Variants in EML6 observed in about 807,000 individuals in gnomAD.
The protein encoded by EML6 is echinoderm microtubule-associated protein-like 6.
A neutral mutation model predicts 240.1 loss-of-function variants in EML6; 154 were observed. The ratio of observed to expected loss-of-function variants is 0.64; its 90% confidence interval spans 0.56 to 0.73. EML6 has a LOEUF of 0.73. Ranked by LOEUF, EML6 falls within the 30% of genes least tolerant of loss-of-function variation. The pLI is 0.00. For missense variants in EML6, 2,964 were observed against 2,474.6 expected, an observed-to-expected ratio of 1.20 and a Z score of -4.20; for synonymous variants, 1,148 against 899.0, an observed-to-expected ratio of 1.28 and a Z score of -4.95.
At chr2:54,749,458 A>G (rs1324577806) in intron 2 of EML6, among the ~76,000 whole-genome samples, 2 of 152,138 alleles carry the variant, frequency 1.3e-5, no homozygotes, top group African/African-American at 2.4e-5. Flanking sequence ...TGTCTTTTCT[A>G]TAGAGTTGTC....
chr2:54,802,170 T>C (rs1157410387), intron 2 of EML6, among the ~76,000 whole-genome samples: 1 of 152,198 alleles, frequency 6.6e-6, no homozygotes, highest in African/African-American at 2.4e-5. Context: ...TAACATTCTT[T>C]TAAAATACTG....
intron 35 of EML6, 24 bp from the exon 36 acceptor site, chr2:54,962,499 C>CTAA: frequency 6.6e-7 from 1 of 1,514,174 alleles, no homozygotes; most frequent in Non-Finnish European, 8.9e-7. Flanking sequence ...TGTCCTTTTT[C>CTAA]TAATAGTGTT....
At chr2:54,735,714 T>C (rs1308441458) in intron 2 of EML6, among the ~76,000 whole-genome samples, 1 of 152,268 alleles carries the variant, frequency 6.6e-6, no homozygotes, top group African/African-American at 2.4e-5. Flanking sequence ...GACTGTATTA[T>C]AAGAAAAATC....
At chr2:54,858,646 G>C (rs1156493703) in intron 11 of EML6, among the ~76,000 whole-genome samples, 3 of 152,126 alleles carry the variant, frequency 2.0e-5, no homozygotes, top group Non-Finnish European at 4.4e-5. Context: ...TTTTCTCAGA[G>C]CCCCTGATAT....
intron 8 of EML6, among the ~76,000 whole-genome samples, chr2:54,844,893 G>C (rs979677672): frequency 1.3e-5 from 2 of 152,172 alleles, no homozygotes; most frequent in Non-Finnish European, 2.9e-5. Flanking sequence ...ATGAACATAT[G>C]ACTTAAAGGT....
At chr2:54,854,173 T>C (rs1191172141) in intron 11 of EML6, among the ~76,000 whole-genome samples, 1 of 152,226 alleles carries the variant, frequency 6.6e-6, no homozygotes, top group Non-Finnish European at 1.5e-5. Context: ...TCCGTTAAAA[T>C]GTTGTAACTA....
At chr2:54,807,445 C>G (rs1234419167) in intron 2 of EML6, among the ~76,000 whole-genome samples, 1 of 152,146 alleles carries the variant, frequency 6.6e-6, no homozygotes, top group Non-Finnish European at 1.5e-5. Context: ...TCTGCATTAT[C>G]AACATTTTAT....
chr2:54,899,408 T>C (rs922205657), intron 21 of EML6, among the ~76,000 whole-genome samples: 3 of 152,358 alleles, frequency 2.0e-5, no homozygotes, highest in African/African-American at 4.8e-5. Context: ...AATGAGTTCA[T>C]GTTTTGCTTT....
intron 16 of EML6, among the ~76,000 whole-genome samples, chr2:54,878,298 A>C (rs377631419): frequency 6.6e-6 from 1 of 152,142 alleles, no homozygotes; most frequent in Non-Finnish European, 1.5e-5. Context: ...GCAATTTATC[A>C]CAGACCTGTG....
rs1178815004 is a variant in EML6, at chr2:54,962,630, C to T, written c.5076C>T (p.Gly1692=). 1.3e-6 allele frequency: 2 copies of T among 1,545,184 alleles called. No individual in the cohort carries two copies. Among genetic ancestry groups the T allele is most frequent in the East Asian group, 2.5e-5 (1 of 40,486 alleles). ...IDGHMEGEIW[G]LATHPSKDLF... ...GTCACATGGAAGGGGAGATCTGGGG[C>T]CTGGCCACTCACCCTTCCAAGGACC... is the stretch of plus-strand genomic sequence containing the variant. Residue 1692 remains glycine, a synonymous_variant, in exon 36 of 42, where the codon GGC becomes GGT. Coordinates refer to ENST00000356458, the MANE Select transcript of EML6 (RefSeq NM_001039753.4).
intron 16 of EML6, 58 bp downstream of exon 16, chr2:54,871,663 A>G (rs903756737): frequency 7.9e-6 from 10 of 1,267,512 alleles, no homozygotes; most frequent in Non-Finnish European, 1.0e-5. Context: ...AGACACAGAG[A>G]GAGTATGCCC....
rs552091921 is a variant in EML6 at position 54,913,175 on chromosome 2, A to AT, written c.3498+2139dup. ...ATTTCTCCAATGATTGGTGATAAAC[A>AT]TTTTTTCATATTTGTTGGCTGCTTG... On this transcript the variant is annotated intron_variant, in intron 25 of 41. Transcript: ENST00000356458. Among the ~76,000 whole-genome samples, 121 of 148,176 alleles carry AT rather than the reference A, an allele frequency of 8.2e-4. 2 individuals carry two copies. Among genetic ancestry groups the AT allele is most frequent in the African/African-American group, 3.0e-3 (119 of 40,034 alleles).
At chr2:54,876,104 A>G (rs1200633539) in intron 16 of EML6, among the ~76,000 whole-genome samples, 1 of 152,208 alleles carries the variant, frequency 6.6e-6, no homozygotes, top group Non-Finnish European at 1.5e-5. Flanking sequence ...TCCATAATTA[A>G]TGCATGCTGT....
intron 38 of EML6, among the ~76,000 whole-genome samples, chr2:54,965,302 C>T (rs1330058882): frequency 6.6e-6 from 1 of 152,190 alleles, no homozygotes; most frequent in African/African-American, 2.4e-5. Flanking sequence ...GCTGGATATT[C>T]ACTGTAAAAG....
intron 28 of EML6, among the ~76,000 whole-genome samples, chr2:54,939,684 C>T (rs1299565468): frequency 6.6e-6 from 1 of 152,220 alleles, no homozygotes; most frequent in Non-Finnish European, 1.5e-5. Flanking sequence ...TCTGCTCTGT[C>T]TCTCTTGACC....
intron 3 of EML6, among the ~76,000 whole-genome samples, chr2:54,816,266 G>T (rs1251724118): frequency 6.6e-6 from 1 of 152,166 alleles, no homozygotes; most frequent in Non-Finnish European, 1.5e-5. Flanking sequence ...GGGAGGTGAA[G>T]TACCAGATTA....
At chr2:54,759,994 G>A (rs1031089438) in intron 2 of EML6, among the ~76,000 whole-genome samples, 10 of 151,458 alleles carry the variant, frequency 6.6e-5, no homozygotes, top group African/African-American at 2.4e-4. Context: ...TACACAGCAG[G>A]ATCAAGACTC....
chr2:54,932,505 C>T (rs377061213), intron 28 of EML6, among the ~76,000 whole-genome samples: 28 of 152,168 alleles, frequency 1.8e-4, no homozygotes, highest in African/African-American at 6.8e-4. Context: ...TGCCACGCCC[C>T]AACCTGACAC....
chr2:54,916,719 A>T lies in EML6; in HGVS notation c.3499-40A>T, dbSNP rs531125868. On this transcript the variant is annotated intron_variant, in intron 25 of 41. Transcript: ENST00000356458. ...CTGTTTCTTTTAAATAAAACAAACT[A>T]GGTTGTGCAAAAATATCATTCTCTT... 6.9e-6 allele frequency: 10 copies of T among 1,439,898 alleles called. No individual in the cohort carries two copies. The South Asian group carries it at 1.3e-4, about 19-fold the overall frequency. The allele number at this position is 1,439,898 out of a possible 1,614,324, so 89.2% of individuals were successfully genotyped here. A position where few individuals can be genotyped will look rare whatever the true frequency, so the allele number is the denominator to read the frequency against.
Sources: gnomAD v4.1 joint callset for allele counts (sites outside exome capture counted in the v4.1 genomes callset) on GRCh38, gnomAD v4.1.1 for gene constraint, MANE v1.5 for transcripts, NCBI Gene and HGNC (gene_info 2026-07-23, HGNC 2026-07-21) for gene names.